Variants in DOCK4 observed in about 807,000 individuals in gnomAD.
The protein encoded by DOCK4 is dedicator of cytokinesis 4.
A neutral mutation model predicts 268.1 loss-of-function variants in DOCK4; 97 were observed. The observed-to-expected ratio is 0.36, with a 90% confidence interval of 0.31 to 0.43. The LOEUF (loss-of-function observed/expected upper bound fraction) is 0.43, where lower values mean the gene tolerates loss of function less well. Among genes scored for constraint, DOCK4 ranks in the 20% least tolerant of loss-of-function variants. The pLI, the probability that DOCK4 is intolerant of heterozygous loss-of-function variation, is 1.00. For missense variants in DOCK4, 2,145 were observed against 2,455.7 expected, an observed-to-expected ratio of 0.87 and a Z score of 2.67; for synonymous variants, 954 against 887.2, an observed-to-expected ratio of 1.08 and a Z score of -1.34.
chr7:112,102,449 T>C (rs973227111), intron 1 of DOCK4, among the ~76,000 whole-genome samples: 1 of 152,176 alleles, frequency 6.6e-6, no homozygotes, highest in Non-Finnish European at 1.5e-5. Flanking sequence ...AATGTTTATG[T>C]TGCCTCAAAA....
At chr7:111,988,896 G>A (rs928517837) in intron 6 of DOCK4, 119 bp downstream of exon 6, 1 of 1,399,452 alleles carries the variant, frequency 7.1e-7, no homozygotes, top group Non-Finnish European at 9.6e-7. Context: ...TCCAAAAACA[G>A]GAAACATGAA....
chr7:111,806,202 C>A (rs1800659467), intron 30 of DOCK4, among the ~76,000 whole-genome samples: 1 of 152,120 alleles, frequency 6.6e-6, no homozygotes, highest in Admixed American at 6.5e-5. Context: ...AAATTCTCAA[C>A]ATGACATATT....
intron 1 of DOCK4, among the ~76,000 whole-genome samples, chr7:112,032,812 A>G (rs1803396759): frequency 6.6e-6 from 1 of 152,278 alleles, no homozygotes; most frequent in Admixed American, 6.5e-5. Context: ...TCTAGCTTGG[A>G]ATTAGCATTT....
At chr7:111,930,969 A>C (rs1478371899) in intron 12 of DOCK4, among the ~76,000 whole-genome samples, 1 of 152,140 alleles carries the variant, frequency 6.6e-6, no homozygotes, top group African/African-American at 2.4e-5. Context: ...AGAATATTAG[A>C]GTGAAGAGGC....
intron 1 of DOCK4, among the ~76,000 whole-genome samples, chr7:112,191,223 T>C (rs1008362415): frequency 6.6e-6 from 1 of 152,214 alleles, no homozygotes; most frequent in Non-Finnish European, 1.5e-5. Context: ...CCCAAGTAGC[T>C]GGGACAAGTG....
At chr7:111,737,082 T>G in intron 49 of DOCK4, 93 bp from the exon 50 acceptor site, 1 of 1,147,018 alleles carries the variant, frequency 8.7e-7, no homozygotes, top group Middle Eastern at 2.0e-4. Context: ...AGTAAAACTT[T>G]TTGTTCAAAA....
chr7:111,926,206 T>C (rs866463702), intron 12 of DOCK4, among the ~76,000 whole-genome samples: 155 of 134,194 alleles, frequency 1.2e-3, no homozygotes, highest in African/African-American at 2.2e-3. Context: ...GATCACGAGG[T>C]CAGGAGATCG....
At chr7:112,195,822 A>G (rs1006023668) in intron 1 of DOCK4, among the ~76,000 whole-genome samples, 1 of 152,182 alleles carries the variant, frequency 6.6e-6, no homozygotes, top group Non-Finnish European at 1.5e-5. Flanking sequence ...GTTTAGGAAA[A>G]TGTTTCACAA....
At chr7:111,913,053 T>G (rs559929911) in intron 13 of DOCK4, among the ~76,000 whole-genome samples, 1 of 151,676 alleles carries the variant, frequency 6.6e-6, no homozygotes, top group South Asian at 2.1e-4. Flanking sequence ...AACCTCCGCC[T>G]CCCGGGTTCA....
chr7:111,732,492 G>C (rs879173295), intron 51 of DOCK4: 1 of 594,240 alleles, frequency 1.7e-6, no homozygotes, highest in African/African-American at 1.9e-5. Flanking sequence ...CAAGATATGG[G>C]AGCATCAGTG....
intron 1 of DOCK4, among the ~76,000 whole-genome samples, chr7:112,197,911 A>T (rs948124478): frequency 1.5e-4 from 23 of 150,068 alleles, no homozygotes; most frequent in Non-Finnish European, 1.6e-4. Flanking sequence ...AATTGCAGGT[A>T]TCTCAAACTC....
intron 5 of DOCK4, 58 bp downstream of exon 5, chr7:111,994,077 T>G (rs766990985): frequency 3.5e-6 from 4 of 1,143,750 alleles, no homozygotes; most frequent in South Asian, 2.7e-5. Context: ...CTCATGTTCA[T>G]GTATTTCTTA....
chr7:112,132,058 T>C (rs1419729404), intron 1 of DOCK4, among the ~76,000 whole-genome samples: 2 of 152,212 alleles, frequency 1.3e-5, no homozygotes, highest in Non-Finnish European at 2.9e-5. Flanking sequence ...AATATCTGCA[T>C]TGAAGGCAAG....
intron 30 of DOCK4, among the ~76,000 whole-genome samples, chr7:111,793,854 A>C (rs1799712982): frequency 1.3e-5 from 2 of 152,170 alleles, no homozygotes; most frequent in Non-Finnish European, 2.9e-5. Context: ...CATCTGTAAA[A>C]AAATACAAAA....
At chr7:111,812,742 GA>G (rs1027114325) in intron 27 of DOCK4, among the ~76,000 whole-genome samples, 2 of 152,218 alleles carry the variant, frequency 1.3e-5, no homozygotes, top group Non-Finnish European at 2.9e-5. Context: ...ATAGAAGGCA[GA>G]TTCCCTCTTT....
chr7:111,729,011 C>T lies in DOCK4; in HGVS notation c.5482-291G>A, dbSNP rs539419612. 7.9e-5 allele frequency among the ~76,000 whole-genome samples: 12 copies of T among 152,258 alleles called. No individual in the cohort carries two copies. The East Asian group carries it at 2.3e-3, about 29-fold the overall frequency. On this transcript the variant is annotated intron_variant, in intron 52 of 52. Coordinates refer to ENST00000428084, the MANE Select transcript of DOCK4 (RefSeq NM_001363540.2). ...GCGGTCTGCAAGCCCAGGAGGGAGG[C>T]CTCGGGGAAACCAAGGCTGCCACGC...
intron 47 of DOCK4, 116 bp downstream of exon 47, chr7:111,740,978 C>A (rs207468421): frequency 7.7e-7 from 1 of 1,304,234 alleles, no homozygotes. Flanking sequence ...AAGGTTTGTC[C>A]TTAAGCCAAG....
At chr7:112,151,536 C>A (rs111489106) in intron 1 of DOCK4, among the ~76,000 whole-genome samples, 2 of 152,044 alleles carry the variant, frequency 1.3e-5, no homozygotes, top group Non-Finnish European at 2.9e-5. Context: ...TTCAGAGGGA[C>A]ACCACTGGAT....
chr7:111,819,704 A>G (rs916567082), intron 27 of DOCK4: 1 of 152,238 alleles, frequency 6.6e-6, no homozygotes, highest in Admixed American at 6.5e-5. Context: ...ACATAAAAGA[A>G]CATTCATTTT....
Sources: allele counts gnomAD v4.1 joint callset (sites outside exome capture counted in the v4.1 genomes callset), GRCh38; gene constraint gnomAD v4.1.1; transcripts MANE v1.5; gene names NCBI Gene and HGNC (gene_info 2026-07-23, HGNC 2026-07-21).